The following CAST variants were observed in gnomAD, a reference collection of about 807,000 sequenced individuals.
CAST encodes MIR583 host.
A neutral mutation model predicts 119.6 loss-of-function variants in CAST; 76 were observed. The ratio of observed to expected loss-of-function variants is 0.64; its 90% CI spans 0.53 to 0.77. CAST has a LOEUF of 0.77. Among genes scored for constraint, CAST ranks in the 30% least tolerant of loss-of-function variants. The pLI, the probability that CAST is intolerant of heterozygous loss-of-function variation, is 0.00. For synonymous variants in CAST, 319 were observed against 331.6 expected, an observed-to-expected ratio of 0.96 and a Z score of 0.41; for missense variants, 953 against 946.5, an observed-to-expected ratio of 1.01 and a Z score of -0.09.
At chr5:96,603,141 A>T (rs572493926) in intron 1 of CAST, among the ~76,000 whole-genome samples, 1 of 152,364 alleles carries the variant, frequency 6.6e-6, no homozygotes, top group Non-Finnish European at 1.5e-5. Context: ...TTGGTTTGTC[A>T]ACCTAAATGA....
chr5:96,380,375 A>T, the CAST span, among the ~76,000 whole-genome samples: 1 of 152,218 alleles, frequency 6.6e-6, no homozygotes, highest in Non-Finnish European at 1.5e-5. Flanking sequence ...TGGGTGATGA[A>T]ATGTGAAGTT....
chr5:96,383,231 G>C, the CAST span, among the ~76,000 whole-genome samples: 1 of 138,840 alleles, frequency 7.2e-6, no homozygotes, highest in Non-Finnish European at 1.5e-5. Flanking sequence ...GGGTGAATAG[G>C]AAAGAAGTAA....
At chr5:96,405,799 G>T in the CAST span, among the ~76,000 whole-genome samples, 1 of 152,142 alleles carries the variant, frequency 6.6e-6, no homozygotes, top group East Asian at 1.9e-4. Context: ...CATAAAATTG[G>T]CATTACTTCT....
intron 1 of CAST, among the ~76,000 whole-genome samples, chr5:96,567,360 A>G (rs1746486192): frequency 6.6e-6 from 1 of 152,172 alleles, no homozygotes; most frequent in South Asian, 2.1e-4. Context: ...CTATCCATGC[A>G]TATTTCCTAT....
the CAST span, among the ~76,000 whole-genome samples, chr5:96,229,578 C>A: frequency 1.3e-5 from 2 of 152,104 alleles, no homozygotes; most frequent in South Asian, 4.1e-4. Flanking sequence ...TATTGTAGAA[C>A]AATCTTTTTT....
chr5:96,243,531 A>T, the CAST span, among the ~76,000 whole-genome samples: 49,605 of 151,960 alleles, frequency 0.33, 8,430 homozygotes, highest in Admixed American at 0.43. Context: ...TCACATATTT[A>T]CTTTAAGTAC....
chr5:96,012,269 A>G, the CAST span, among the ~76,000 whole-genome samples: 1 of 151,624 alleles, frequency 6.6e-6, no homozygotes, highest in Non-Finnish European at 1.5e-5. Context: ...TTAATCAATC[A>G]GTCTTTTACA....
chr5:96,067,053 T>C, the CAST span, among the ~76,000 whole-genome samples: 35 of 152,264 alleles, frequency 2.3e-4, no homozygotes, highest in East Asian at 6.6e-3. Context: ...CTATCTACTT[T>C]AGGGGATAAC....
intron 1 of CAST, among the ~76,000 whole-genome samples, chr5:96,606,318 C>T (rs1342776505): frequency 6.6e-6 from 1 of 152,226 alleles, no homozygotes; most frequent in African/African-American, 2.4e-5. Context: ...CACCTACTAA[C>T]TTTGTCATAT....
the CAST span, among the ~76,000 whole-genome samples, chr5:96,160,496 T>C: frequency 6.6e-6 from 1 of 152,318 alleles, no homozygotes; most frequent in African/African-American, 2.4e-5. Flanking sequence ...CAACATTTTG[T>C]CTATTCATTC....
At chr5:96,407,372 T>C in the CAST span, among the ~76,000 whole-genome samples, 3 of 152,126 alleles carry the variant, frequency 2.0e-5, no homozygotes, top group Non-Finnish European at 4.4e-5. Context: ...AGTAATTAAA[T>C]ACAAGCATAT....
At chr5:96,622,033 A>C (rs570108611) in intron 1 of CAST, among the ~76,000 whole-genome samples, 84 of 135,252 alleles carry the variant, frequency 6.2e-4, no homozygotes, top group African/African-American at 2.3e-3. Flanking sequence ...GCAGTGGCGC[A>C]ATCTCGGCTC....
chr5:96,399,097 C>CAAGG, the CAST span: 2 of 1,202,370 alleles, frequency 1.7e-6, no homozygotes, highest in Non-Finnish European at 2.4e-6. Context: ...GCATTTTATG[C>CAAGG]ATATCTGCAT....
chr5:96,381,651 C>T, the CAST span, among the ~76,000 whole-genome samples: 1 of 152,192 alleles, frequency 6.6e-6, no homozygotes, highest in South Asian at 2.1e-4. Context: ...GTGTGCCTGA[C>T]TGTTGGACGT....
At chr5:96,616,717 A>C in intron 1 of CAST, among the ~76,000 whole-genome samples, 1 of 144,162 alleles carries the variant, frequency 6.9e-6, no homozygotes. Context: ...CTTAGACACC[A>C]AGCGCTCGCT....
At chr5:96,300,668 C>A in the CAST span, among the ~76,000 whole-genome samples, 12 of 151,880 alleles carry the variant, frequency 7.9e-5, no homozygotes, top group Non-Finnish European at 1.6e-4. Context: ...TACATTGAAT[C>A]CATAGATAAC....
chr5:96,261,015 G>A, the CAST span, among the ~76,000 whole-genome samples: 2 of 152,172 alleles, frequency 1.3e-5, no homozygotes, highest in African/African-American at 2.4e-5. Flanking sequence ...GCTGAGTAAG[G>A]GTGGGCTTAT....
At chr5:96,325,915 G>A in the CAST span, among the ~76,000 whole-genome samples, 1 of 152,168 alleles carries the variant, frequency 6.6e-6, no homozygotes, top group African/African-American at 2.4e-5. Context: ...CCAACTTGGC[G>A]ATCCACATGA....
chr5:96,697,175 GA>G (rs1243342568), intron 3 of CAST, among the ~76,000 whole-genome samples: 1 of 150,466 alleles, frequency 6.6e-6, no homozygotes, highest in Non-Finnish European at 1.5e-5. Context: ...TCAAAAAAAA[GA>G]AAAAAAAAGT....
Sources: gnomAD v4.1 joint callset for allele counts (sites outside exome capture counted in the v4.1 genomes callset) on GRCh38, gnomAD v4.1.1 for gene constraint, MANE v1.5 for transcripts, NCBI Gene and HGNC (gene_info 2026-07-23, HGNC 2026-07-21) for gene names.